PXDN: variants seen among roughly 807,000 people sequenced by gnomAD.
PXDN encodes the protein peroxidasin homolog.
PXDN carries 77 observed loss-of-function variants against 140.3 expected under a neutral mutation model. The ratio of observed to expected loss-of-function variants is 0.55; its 90% CI spans 0.46 to 0.66. PXDN has a LOEUF of 0.66. Ranked by LOEUF, PXDN falls within the 30% of genes least tolerant of loss-of-function variation. PXDN has a pLI of 0.00. For missense variants in PXDN, 1,838 were observed against 2,039.5 expected, an observed-to-expected ratio of 0.90 and a Z score of 1.90; for synonymous variants, 911 against 857.4, an observed-to-expected ratio of 1.06 and a Z score of -1.09.
chr2:1,705,763 G>C (rs1296649887), intron 1 of PXDN, among the ~76,000 whole-genome samples: 1 of 150,362 alleles, frequency 6.7e-6, no homozygotes, highest in Non-Finnish European at 1.5e-5. Flanking sequence ...CCCATGACCT[G>C]GGACACAGGA....
chr2:1,734,790 C>T (rs1217628925), intron 1 of PXDN, among the ~76,000 whole-genome samples: 1 of 152,214 alleles, frequency 6.6e-6, no homozygotes, highest in Non-Finnish European at 1.5e-5. Flanking sequence ...TCACTTGAAC[C>T]TGGGAGGCGG....
chr2:1,704,324 A>AG (rs1684528861), intron 1 of PXDN, among the ~76,000 whole-genome samples: 1 of 100,964 alleles, frequency 9.9e-6, no homozygotes, highest in Non-Finnish European at 1.9e-5. Flanking sequence ...CTCCAGGTGA[A>AG]GCGGGGGACA....
chr2:1,669,381 T>C (rs1017179485), intron 9 of PXDN, among the ~76,000 whole-genome samples: 3 of 152,184 alleles, frequency 2.0e-5, no homozygotes, highest in African/African-American at 7.2e-5. Context: ...GACAGGTTGA[T>C]AGGTGGCAGC....
intron 1 of PXDN, among the ~76,000 whole-genome samples, chr2:1,730,018 T>C (rs903656103): frequency 1.3e-5 from 2 of 151,116 alleles, no homozygotes; most frequent in Admixed American, 1.3e-4. Context: ...GACCCAATTT[T>C]TGAAAATAGA....
At chr2:1,662,730 G>A (rs1178016082) in intron 12 of PXDN, among the ~76,000 whole-genome samples, 1 of 152,198 alleles carries the variant, frequency 6.6e-6, no homozygotes, top group Non-Finnish European at 1.5e-5. Flanking sequence ...GGGACGCCAA[G>A]GGCAAACCCA....
intron 3 of PXDN, among the ~76,000 whole-genome samples, chr2:1,689,679 G>GA (rs1322963232): frequency 1.3e-5 from 2 of 151,926 alleles, no homozygotes; most frequent in Non-Finnish European, 2.9e-5. Flanking sequence ...AGCTATTCAG[G>GA]AGGCTAAGGC....
chr2:1,713,283 T>G (rs2125472191), intron 1 of PXDN, among the ~76,000 whole-genome samples: 1 of 152,222 alleles, frequency 6.6e-6, no homozygotes, highest in East Asian at 1.9e-4. Flanking sequence ...AACGATCAAT[T>G]ACCACAGAAG....
At position 1,685,766 on chromosome 2, in the gene PXDN, G is replaced by A. The variant is rs1684041744; in HGVS notation, c.417-1615C>T. 6.6e-6 allele frequency among the ~76,000 whole-genome samples: 1 copy of A among 151,974 alleles called. No homozygotes were observed. Among genetic ancestry groups the A allele is most frequent in the Admixed American group, 6.6e-5 (1 of 15,266 alleles). ...GTGCTACGGGAAATGACGGCCCAGG[G>A]TGCACAGGATCTTAGAGAGGCTGGG... On this transcript the variant is annotated intron_variant, in intron 4 of 22. Coordinates refer to ENST00000252804, the MANE Select transcript of PXDN (RefSeq NM_012293.3). This position sits in a 1 kb window ranked among gnomAD's most constrained non-coding sequence, Gnocchi z 5.1.
intron 1 of PXDN, among the ~76,000 whole-genome samples, chr2:1,731,612 C>T (rs1685316321): frequency 6.6e-6 from 1 of 152,176 alleles, no homozygotes; most frequent in African/African-American, 2.4e-5. Flanking sequence ...TGGCTTGTGA[C>T]AACTACTCAC....
intron 3 of PXDN, among the ~76,000 whole-genome samples, chr2:1,689,807 T>C (rs1454919225): frequency 6.6e-6 from 1 of 150,492 alleles, no homozygotes; most frequent in South Asian, 2.1e-4. Context: ...AAAGGGTGAG[T>C]ATTGACCATA....
At chr2:1,672,255 AG>A (rs1394167307) in intron 9 of PXDN, 1 of 152,238 alleles carries the variant, frequency 6.6e-6, no homozygotes, top group Non-Finnish European at 1.5e-5. Context: ...ACAACAATTC[AG>A]ATCAAAAGGA....
At position 1,634,342 on chromosome 2, in the gene PXDN, G is replaced by A. The variant is rs371906884; in HGVS notation, c.4321-19C>T. The A allele has an allele frequency of 4.4e-5, 68 of 1,559,246 alleles. No individual in the cohort carries two copies. In the African/African-American group the frequency reaches 5.6e-4, roughly 13 times the overall value. ...GCCCGTCCTGGAGAAGAGAGACGGA[G>A]CACAGCCTGTCAGCTCTGGGATGGC... On this transcript the variant is annotated intron_variant, in intron 22 of 22. Transcript: ENST00000252804.
At chr2:1,740,049 C>A (rs571788104) in intron 1 of PXDN, among the ~76,000 whole-genome samples, 2 of 152,334 alleles carry the variant, frequency 1.3e-5, no homozygotes, top group South Asian at 4.1e-4. Context: ...CACCCGGGAC[C>A]ACTGCAGTCT....
rs1572123749 is a variant in PXDN at position 1,648,805 on chromosome 2, A to G, written c.2975T>C (p.Phe992Ser). The G allele has an allele frequency of 6.2e-7, 1 of 1,603,210 alleles. No homozygotes were observed. The highest frequency in any genetic ancestry group is 8.5e-7 in the Non-Finnish European group (1 of 1,176,158). Residue 992 changes from phenylalanine (F) to serine (S), a missense_variant, in exon 17 of 23, where the codon TTC becomes TCC. Phe to Ser is a radical substitution (Grantham distance 155, BLOSUM62 -2). This residue lies in a region of PXDN where 850 missense variants were observed against 894.1 expected (regional missense o/e 0.95). Transcript: ENST00000252804. The surrounding 1 kb of genome is among the most constrained non-coding windows in gnomAD (Gnocchi z 8.9). ...CGTGGCAATGCGGTTGTGCTCGCGG[A>G]ACCACAGCGTGTGCATGCTGGTCAG... is the stretch of plus-strand genomic sequence containing the variant. ...LGLTSMHTLWFREHNRIATEL... is the reference protein window; with the variant it reads ...LGLTSMHTLWSREHNRIATEL...
At chr2:1,716,893 C>T (rs1684909060) in intron 1 of PXDN, among the ~76,000 whole-genome samples, 1 of 152,154 alleles carries the variant, frequency 6.6e-6, no homozygotes, top group Admixed American at 6.5e-5. Flanking sequence ...ATAAGTGGGT[C>T]CCTGTGCCTA....
intron 6 of PXDN, 53 bp downstream of exon 6, chr2:1,683,603 C>T (rs1683973458): frequency 3.6e-6 from 4 of 1,099,272 alleles, no homozygotes; most frequent in Non-Finnish European, 4.8e-6. Flanking sequence ...GAATAGATAA[C>T]AGAGAGAAAG....
At chr2:1,674,214 A>AT (rs1158877143) in intron 8 of PXDN, among the ~76,000 whole-genome samples, 1 of 152,150 alleles carries the variant, frequency 6.6e-6, no homozygotes, top group Non-Finnish European at 1.5e-5. Context: ...TGTGTATTTT[A>AT]TTTTTTTATT....
intron 5 of PXDN, 117 bp downstream of exon 5, chr2:1,683,963 G>T: frequency 9.1e-7 from 1 of 1,095,092 alleles, no homozygotes; most frequent in Non-Finnish European, 1.3e-6. Flanking sequence ...TAGAAATATG[G>T]ATTTTATATT....
chr2:1,657,975 T>TGA (rs1190287037), intron 14 of PXDN, among the ~76,000 whole-genome samples: 1 of 137,134 alleles, frequency 7.3e-6, no homozygotes, highest in Non-Finnish European at 1.6e-5. Context: ...CCCCTCACTG[T>TGA]GATTTCCTTT....
Sources: allele counts gnomAD v4.1 joint callset (sites outside exome capture counted in the v4.1 genomes callset), GRCh38; gene constraint gnomAD v4.1.1; regional missense constraint gnomAD v4.1.1; non-coding constraint Gnocchi (gnomAD v3.1); transcripts MANE v1.5; gene names NCBI Gene and HGNC (gene_info 2026-07-23, HGNC 2026-07-21).